The following PAK1IP1 variants were observed in gnomAD, a reference collection of about 807,000 sequenced individuals.
The protein encoded by PAK1IP1 is PAK1 interacting protein 1.
In PAK1IP1, 24 loss-of-function variants were observed where a neutral mutation model predicts 42.0. That is an observed-to-expected ratio of 0.57 (90% CI 0.41 to 0.80). PAK1IP1 has a LOEUF of 0.80. Among genes scored for constraint, PAK1IP1 ranks in the 30% least tolerant of loss-of-function variants. PAK1IP1 has a pLI of 0.00. For missense variants in PAK1IP1, 411 were observed against 467.9 expected, an observed-to-expected ratio of 0.88 and a Z score of 1.12; for synonymous variants, 154 against 156.7, an observed-to-expected ratio of 0.98 and a Z score of 0.13.
At position 10,709,369 on chromosome 6, in the gene PAK1IP1, G is replaced by A. The variant is rs1561895989; in HGVS notation, c.1096G>A (p.Gly366Ser). Residue 366 changes from glycine (G) to serine (S), a missense_variant, in exon 10 of 10, where the codon GGC becomes AGC. Gly to Ser is a moderately conservative substitution (Grantham distance 56). Transcript: ENST00000379568. ...CAGTAAGAAAGCAACAAAAGAAAGT[G>A]GCCTGATATCAACCAAGAAGAGGAA... ...GDSKKATKES[G>S]LISTKKRKMV... 6.2e-7 allele frequency: 1 copy of A among 1,613,674 alleles called. No individual in the cohort carries two copies. Among genetic ancestry groups the A allele is most frequent in the Admixed American group, 1.7e-5 (1 of 59,968 alleles).
upstream of PAK1IP1, chr6:10,694,808 C>T (rs140748762): frequency 1.9e-3 from 1,078 of 558,004 alleles, 13 homozygotes; most frequent in African/African-American, 0.016. Flanking sequence ...CATGTGACCT[C>T]CCCGCGCTTA....
In PAK1IP1 at chr6:10,709,603, T is replaced by TAAA. The variant is rs34602235; in HGVS notation, c.*165_*167dup. The TAAA allele has an allele frequency of 1.3e-3, 364 of 283,606 alleles. No homozygotes were observed. The highest frequency in any genetic ancestry group is 5.2e-3 in the African/African-American group (214 of 41,234). The allele number at this position is 283,606 out of a possible 1,614,324, so 17.6% of individuals were successfully genotyped here. On this transcript the variant is annotated 3_prime_UTR_variant, in exon 10 of 10. Transcript: ENST00000379568. ...AAAACCACTTTTAGATGGTTTTTTT[T>TAAA]AAAAAAAAAAAAAAAACTGGTAAAA...
At chr6:10,692,422 AGAT>A (rs1769405473), upstream of PAK1IP1, among the ~76,000 whole-genome samples, 1 of 152,322 alleles carries the variant, frequency 6.6e-6, no homozygotes, top group Admixed American at 6.5e-5. Context: ...AACACAATGA[AGAT>A]AACTAGCACA....
chr6:10,708,900 G>C, intron 8 of PAK1IP1, 53 bp from the exon 9 acceptor site: 1 of 1,466,608 alleles, frequency 6.8e-7, no homozygotes, highest in Non-Finnish European at 9.3e-7. Context: ...CTTGATTATG[G>C]AAAAAGAAAT....
At chr6:10,694,418 C>G (rs1257433678), upstream of PAK1IP1, 1 of 154,584 alleles carries the variant, frequency 6.5e-6, no homozygotes, top group African/African-American at 2.4e-5. Context: ...ATCTAGCACT[C>G]CGAGTCCGTC....
At position 10,709,496 on chromosome 6, in the gene PAK1IP1, C is replaced by A; in HGVS notation, c.*44C>A. The A allele has an allele frequency of 1.5e-6, 2 of 1,344,078 alleles. No homozygotes were observed. The highest frequency in any genetic ancestry group is 1.0e-6 in the Non-Finnish European group (1 of 978,716). The allele number at this position is 1,344,078 out of a possible 1,614,324, so 83.3% of individuals were successfully genotyped here. A position where few individuals can be genotyped will look rare whatever the true frequency, so the allele number is the denominator to read the frequency against. ...AAGAACTCTTTTAGATGAAATCATT[C>A]TACTCAAATGTACCTTAATTTTTTT... On this transcript the variant is annotated 3_prime_UTR_variant, in exon 10 of 10. Transcript: ENST00000379568.
At chr6:10,696,581 A>G (rs1160272980) in intron 1 of PAK1IP1, among the ~76,000 whole-genome samples, 2 of 152,180 alleles carry the variant, frequency 1.3e-5, no homozygotes, top group Non-Finnish European at 2.9e-5. Context: ...AGATTTCGTT[A>G]TTGGTGATTC....
chr6:10,704,006 T>G (rs531122884), intron 5 of PAK1IP1, among the ~76,000 whole-genome samples: 7 of 152,050 alleles, frequency 4.6e-5, no homozygotes, highest in African/African-American at 1.7e-4. Context: ...TTTCATTTTA[T>G]TTTATTTTAT....
Position 10,697,306 on chromosome 6 carries a change from T to C in PAK1IP1, c.85-18T>C. 6.2e-7 allele frequency: 1 copy of C among 1,607,376 alleles called. No homozygotes were observed. Among genetic ancestry groups the C allele is most frequent in the Non-Finnish European group, 8.5e-7 (1 of 1,175,022 alleles). On this transcript the variant is annotated intron_variant, in intron 1 of 9. Transcript: ENST00000379568. ...TGTGGTGTGACTGGCATTAATTGTATGTTTTCATCTTCAGCAGCAATGGAC... is the reference window on the plus strand; with the variant it reads ...TGTGGTGTGACTGGCATTAATTGTACGTTTTCATCTTCAGCAGCAATGGAC...
At chr6:10,694,599 AGCAACC>A, upstream of PAK1IP1, 2 of 178,264 alleles carry the variant, frequency 1.1e-5, no homozygotes, top group Non-Finnish European at 2.4e-5. Flanking sequence ...ACAGCCCCTA[AGCAACC>A]GGCCGGAAGT....
Position 10,702,455 on chromosome 6 carries a change from A to C in PAK1IP1, c.334A>C (p.Lys112Gln), listed in dbSNP as rs1341663907. The C allele has an allele frequency of 1.2e-6, 2 of 1,614,032 alleles. No homozygotes were observed. The highest frequency in any genetic ancestry group is 2.2e-5 in the South Asian group (2 of 91,062). Residue 112 changes from lysine to glutamine, a missense_variant, in exon 3 of 10, where the codon AAA becomes CAA. Transcript: ENST00000379568. ...ACTCATCTGTATCTGGGATGCAAAGAAATGGGAATGCCTGAAGTCAATTAA... is the reference window on the plus strand; with the variant it reads ...ACTCATCTGTATCTGGGATGCAAAGCAATGGGAATGCCTGAAGTCAATTAA... Reference protein sequence around the residue: ...DGLICIWDAKKWECLKSIKAH... With the variant: ...DGLICIWDAKQWECLKSIKAH...
At chr6:10,694,970 G>C, upstream of PAK1IP1, 2 of 1,582,866 alleles carry the variant, frequency 1.3e-6, no homozygotes, top group South Asian at 1.1e-5. Flanking sequence ...GGCGGAAGAG[G>C]CACGTGCGCT....
chr6:10,694,146 G>A (rs1467011725), upstream of PAK1IP1, among the ~76,000 whole-genome samples: 2 of 151,668 alleles, frequency 1.3e-5, no homozygotes, highest in African/African-American at 4.9e-5. Flanking sequence ...TGTAATCCCA[G>A]CTACTCGGGA....
chr6:10,706,978 C>A (rs1198232504), intron 7 of PAK1IP1, among the ~76,000 whole-genome samples: 1 of 151,826 alleles, frequency 6.6e-6, no homozygotes, highest in Non-Finnish European at 1.5e-5. Context: ...CTTCTGTGAT[C>A]CAGAGGAAAA....
upstream of PAK1IP1, among the ~76,000 whole-genome samples, chr6:10,691,270 C>A (rs1769273443): frequency 6.6e-6 from 1 of 152,144 alleles, no homozygotes; most frequent in Non-Finnish European, 1.5e-5. Flanking sequence ...GGGCTTTATT[C>A]GGCCGGGATC....
upstream of PAK1IP1, chr6:10,694,791 G>T: frequency 1.8e-6 from 1 of 546,096 alleles, no homozygotes; most frequent in Non-Finnish European, 3.3e-6. Context: ...TCTCTTCTTG[G>T]AAAATCCATG....
chr6:10,693,881 G>T (rs1382111237), upstream of PAK1IP1, among the ~76,000 whole-genome samples: 2 of 152,084 alleles, frequency 1.3e-5, no homozygotes, highest in African/African-American at 4.8e-5. Context: ...GGCGGGCGTC[G>T]CCATGCTGGG....
At chr6:10,694,874 T>G, upstream of PAK1IP1, 1 of 737,474 alleles carries the variant, frequency 1.4e-6, no homozygotes, top group Non-Finnish European at 2.3e-6. Flanking sequence ...GACGTATAAT[T>G]CGAGCGCCGA....
upstream of PAK1IP1, among the ~76,000 whole-genome samples, chr6:10,691,716 A>G (rs945270074): frequency 1.3e-5 from 2 of 152,114 alleles, no homozygotes; most frequent in Admixed American, 1.3e-4. Flanking sequence ...ATATAATTTC[A>G]TGGGATTCAA....
Sources: gnomAD v4.1 joint callset for allele counts (sites outside exome capture counted in the v4.1 genomes callset) on GRCh38, gnomAD v4.1.1 for gene constraint, MANE v1.5 for transcripts, NCBI Gene and HGNC (gene_info 2026-07-23, HGNC 2026-07-21) for gene names.